GLT8D2: variants seen among roughly 807,000 people sequenced by gnomAD.
GLT8D2 encodes the protein glycosyltransferase 8 domain containing 2, also known as glycosyltransferase 8 domain-containing protein 2.
In GLT8D2, 45 loss-of-function variants were observed where a neutral mutation model predicts 44.5. The ratio of observed to expected loss-of-function variants is 1.01; its 90% confidence interval spans 0.80 to 1.30. The LOEUF (loss-of-function observed/expected upper bound fraction) is 1.30, where lower values mean the gene tolerates loss of function less well. Among genes scored for constraint, GLT8D2 ranks in the 50% most tolerant of loss-of-function variants. GLT8D2 has a pLI of 0.00. For synonymous variants in GLT8D2, 156 were observed against 157.2 expected, an observed-to-expected ratio of 0.99 and a Z score of 0.06; for missense variants, 400 against 430.4, an observed-to-expected ratio of 0.93 and a Z score of 0.62.
intron 1 of GLT8D2, chr12:104,030,653 A>C: frequency 7.1e-7 from 1 of 1,401,196 alleles, no homozygotes; most frequent in Non-Finnish European, 9.8e-7. Context: ...TAAGAAGTTA[A>C]TATCCAAAAT....
At chr12:104,043,309 T>A (rs1880757526) in intron 1 of GLT8D2, among the ~76,000 whole-genome samples, 1 of 152,112 alleles carries the variant, frequency 6.6e-6, no homozygotes, top group South Asian at 2.1e-4. Context: ...CAAATTTCTA[T>A]CTCCAGGCCA....
intron 3 of GLT8D2, among the ~76,000 whole-genome samples, chr12:104,018,342 G>T (rs751726494): frequency 6.6e-6 from 1 of 151,824 alleles, no homozygotes; most frequent in Non-Finnish European, 1.5e-5. Flanking sequence ...CTATTTTTTG[G>T]CCTCTATGCC....
intron 3 of GLT8D2, among the ~76,000 whole-genome samples, chr12:104,016,645 G>GGAGA (rs896280558): frequency 8.0e-6 from 1 of 125,478 alleles, no homozygotes; most frequent in Non-Finnish European, 1.7e-5. Context: ...AAAGAAAGAA[G>GGAGA]GAGAGAAAGA....
At chr12:104,021,992 A>AGAGGAAGAG (rs1877891982) in intron 1 of GLT8D2, among the ~76,000 whole-genome samples, 1 of 57,494 alleles carries the variant, frequency 1.7e-5, no homozygotes, top group African/African-American at 9.0e-5. Flanking sequence ...AGGAAGAAGA[A>AGAGGAAGAG]GAAGAAGAAG....
At chr12:104,023,056 C>T (rs1878116830) in intron 1 of GLT8D2, among the ~76,000 whole-genome samples, 1 of 152,190 alleles carries the variant, frequency 6.6e-6, no homozygotes, top group Non-Finnish European at 1.5e-5. Flanking sequence ...TACATGTTGA[C>T]AAGCAAATTT....
chr12:103,989,486 A>G lies in GLT8D2; in HGVS notation c.972T>C (p.Pro324=). The change falls in exon 11 of 11, where the codon CCT becomes CCC. Residue 324 remains proline (P), a synonymous_variant. Transcript: ENST00000360814. ...WNGRHKPWDF[P]SVHNDLWESW... is the part of the protein sequence containing the mutation. ...TTTCCCATAAGTCGTTGTGAACACT[A>G]GGGAAGTCCCAAGGTTTATGTCTTC... 1.9e-6 allele frequency: 3 copies of G among 1,613,762 alleles called. No individual in the cohort carries two copies. The highest frequency in any genetic ancestry group is 2.5e-6 in the Non-Finnish European group (3 of 1,179,708).
intron 1 of GLT8D2, among the ~76,000 whole-genome samples, chr12:104,035,375 T>A (rs1414393187): frequency 6.6e-6 from 1 of 152,170 alleles, no homozygotes; most frequent in African/African-American, 2.4e-5. Flanking sequence ...TTCTCCAAGC[T>A]ACAGGAGGAT....
intron 1 of GLT8D2, among the ~76,000 whole-genome samples, chr12:104,026,239 A>G (rs1039557701): frequency 6.0e-5 from 9 of 149,616 alleles, no homozygotes; most frequent in African/African-American, 2.2e-4. Flanking sequence ...AGATCACACC[A>G]CTGCCCTCCA....
At chr12:104,014,331 G>A (rs1566198081) in intron 4 of GLT8D2, 3 of 695,492 alleles carry the variant, frequency 4.3e-6, no homozygotes, top group Non-Finnish European at 7.8e-6. Context: ...TTTGAGCTGG[G>A]GCAACAGAGT....
intron 4 of GLT8D2, among the ~76,000 whole-genome samples, chr12:104,014,043 C>T (rs751137898): frequency 1.3e-5 from 2 of 152,130 alleles, no homozygotes; most frequent in African/African-American, 2.4e-5. Flanking sequence ...ATCGCCAGCC[C>T]GTAAGTGTGT....
At chr12:104,044,743 G>T (rs933898231) in intron 1 of GLT8D2, among the ~76,000 whole-genome samples, 8 of 152,210 alleles carry the variant, frequency 5.3e-5, no homozygotes, top group Non-Finnish European at 7.3e-5. Context: ...TTTGTTGTTC[G>T]ATAATCATAT....
intron 4 of GLT8D2, among the ~76,000 whole-genome samples, chr12:104,009,494 G>A (rs1198982168): frequency 6.6e-6 from 1 of 152,202 alleles, no homozygotes; most frequent in Non-Finnish European, 1.5e-5. Flanking sequence ...AGGCTCATAG[G>A]CAGAAGGAAC....
intron 1 of GLT8D2, among the ~76,000 whole-genome samples, chr12:104,039,164 A>G (rs1375722232): frequency 6.6e-6 from 1 of 152,244 alleles, no homozygotes; most frequent in Non-Finnish European, 1.5e-5. Context: ...TTAAAGACTT[A>G]AATGTTAGAC....
chr12:104,035,941 G>A (rs1181943065), intron 1 of GLT8D2, among the ~76,000 whole-genome samples: 1 of 152,194 alleles, frequency 6.6e-6, no homozygotes, highest in Admixed American at 6.5e-5. Flanking sequence ...TACCCACAAA[G>A]GGAAGCCCAT....
rs769398330 is a variant in GLT8D2 at position 103,997,460 on chromosome 12, T to C, written c.478A>G (p.Ile160Val). 5.2e-5 allele frequency: 83 copies of C among 1,611,128 alleles called. No homozygotes were observed. The East Asian group carries it at 1.8e-3, about 35-fold the overall frequency. Residue 160 changes from isoleucine to valine, a missense_variant, in exon 7 of 11, where the codon ATT (isoleucine) becomes GTT (valine). Transcript: ENST00000360814. ...CAGTTAGCGAGAGTACCTTGTACAATTACATCATCGTCCAAATAGATGACT... is the reference window on the plus strand; with the variant it reads ...CAGTTAGCGAGAGTACCTTGTACAACTACATCATCGTCCAAATAGATGACT... The part of the protein sequence containing the change: ...EKVIYLDDDV[I>V]VQGDIQELYD...
At chr12:104,003,519 C>T (rs564156055) in intron 4 of GLT8D2, among the ~76,000 whole-genome samples, 21 of 152,280 alleles carry the variant, frequency 1.4e-4, no homozygotes, top group African/African-American at 2.9e-4. Context: ...TACCAACTCC[C>T]GTGCAGCTCT....
intron 4 of GLT8D2, among the ~76,000 whole-genome samples, chr12:104,008,365 C>T (rs1053098547): frequency 2.0e-5 from 3 of 152,110 alleles, no homozygotes; most frequent in Non-Finnish European, 4.4e-5. Flanking sequence ...AGACCAGGGG[C>T]ATTTTGCCCT....
At chr12:104,012,185 A>ATAT (rs1457476166) in intron 4 of GLT8D2, among the ~76,000 whole-genome samples, 337 of 85,838 alleles carry the variant, frequency 3.9e-3, no homozygotes, top group Admixed American at 6.4e-3. Flanking sequence ...AAAAAAAAAA[A>ATAT]AAAAATATAT....
At chr12:103,991,168 T>C (rs1307888692) in intron 10 of GLT8D2, among the ~76,000 whole-genome samples, 1 of 152,144 alleles carries the variant, frequency 6.6e-6, no homozygotes, top group Non-Finnish European at 1.5e-5. Context: ...CCCTTCCTAC[T>C]TGTCAGTAAA....
Sources: gnomAD v4.1 joint callset for allele counts (sites outside exome capture counted in the v4.1 genomes callset) on GRCh38, gnomAD v4.1.1 for gene constraint, MANE v1.5 for transcripts, NCBI Gene and HGNC (gene_info 2026-07-23, HGNC 2026-07-21) for gene names.